The following P4HA3 variants were observed in gnomAD, a reference collection of about 807,000 sequenced individuals.
P4HA3 encodes prolyl 4-hydroxylase subunit alpha-3.
P4HA3 carries 60 observed loss-of-function variants against 66.7 expected under a neutral mutation model. That is an observed-to-expected ratio of 0.90 (90% CI 0.73 to 1.12). The LOEUF is 1.12. Among genes scored for constraint, P4HA3 ranks in the 50% most tolerant of loss-of-function variants. The probability of loss-of-function intolerance (pLI) is 0.00; values close to 1 mark genes in which losing one functional copy is unlikely to be tolerated. For missense variants in P4HA3, 683 were observed against 685.8 expected (o/e 1.00, Z 0.05); for synonymous variants, 263 against 274.6 (o/e 0.96, Z 0.42).
At chr11:74,260,979 C>A (rs1591080871) in intron 14 of P4HA3, among the ~76,000 whole-genome samples, 1 of 152,164 alleles carries the variant, frequency 6.6e-6, no homozygotes, top group South Asian at 2.1e-4. Flanking sequence ...GCCAGCGATG[C>A]CCCCTGCCCA....
Position 74,266,819 on chromosome 11 carries a change from G to T in P4HA3, c.*429C>A. On this transcript the variant is annotated 3_prime_UTR_variant, in exon 13 of 13. Coordinates refer to ENST00000331597, the MANE Select transcript of P4HA3 (RefSeq NM_182904.5). Reference sequence around the variant, plus strand: ...GCTTGGGCTGCAGCAGAAGGCAGTGGGGAGAAAGTCTTAAAGTTCTGGGAG... The same window carrying T: ...GCTTGGGCTGCAGCAGAAGGCAGTGTGGAGAAAGTCTTAAAGTTCTGGGAG... The T allele has an allele frequency of 3.7e-6, 2 of 545,810 alleles. No individual in the cohort carries two copies. Among genetic ancestry groups the T allele is most frequent in the Admixed American group, 7.0e-5 (2 of 28,424 alleles). 33.8% of individuals were successfully genotyped at this position (545,810 alleles called of 1,614,324 possible).
At chr11:74,264,517 T>C (rs1370869613), downstream of P4HA3, among the ~76,000 whole-genome samples, 2 of 152,120 alleles carry the variant, frequency 1.3e-5, no homozygotes, top group African/African-American at 4.8e-5. Flanking sequence ...CGTGGCCACA[T>C]GGTTTCATGA....
rs35940874 is a variant in P4HA3, at chr11:74,282,130, TA to T, written c.1111-2679del. ...TTCTTTTAGGGCAAAATCAATGGTT[TA>T]AAAAAAAAAAACAAAAAAAAACCCT... On this transcript the variant is annotated intron_variant, in intron 7 of 12. Coordinates refer to ENST00000331597, the MANE Select transcript of P4HA3 (RefSeq NM_182904.5). Among the ~76,000 whole-genome samples, 306 of 135,302 alleles carry T rather than the reference TA, an allele frequency of 2.3e-3. 3 individuals carry two copies. Among genetic ancestry groups the T allele is most frequent in the South Asian group, 9.5e-3 (41 of 4,296 alleles). The allele number at this position is 135,302 out of a possible 152,430, so 88.8% of individuals were successfully genotyped here.
chr11:74,293,777 C>T (rs1383351450), intron 4 of P4HA3, among the ~76,000 whole-genome samples: 2 of 152,210 alleles, frequency 1.3e-5, no homozygotes, highest in African/African-American at 4.8e-5. Context: ...TATTGGTCCC[C>T]ACTCTCTTCT....
Position 74,290,638 on chromosome 11 carries a change from G to C in P4HA3, c.718-1508C>G, listed in dbSNP as rs367942735. On this transcript the variant is annotated intron_variant, in intron 4 of 12. Coordinates refer to ENST00000331597, the MANE Select transcript of P4HA3 (RefSeq NM_182904.5). Reference sequence around the variant, plus strand: ...ATTTTTGTATAAGGTGTAAGGAAGGGATCCAGTTTCAGCTTTCTACATATG... The same window carrying C: ...ATTTTTGTATAAGGTGTAAGGAAGGCATCCAGTTTCAGCTTTCTACATATG... Among the ~76,000 whole-genome samples, 48 of 152,114 alleles carry C rather than the reference G, an allele frequency of 3.2e-4. No homozygotes were observed. In the South Asian group the frequency reaches 9.4e-3, roughly 30 times the overall value.
chr11:74,287,291 C>G (rs746847109), intron 5 of P4HA3: 7 of 1,289,252 alleles, frequency 5.4e-6, no homozygotes, highest in East Asian at 1.1e-4. Flanking sequence ...CAACCATCAC[C>G]CTGGCAAAGG....
intron 5 of P4HA3, 21 bp from the exon 6 acceptor site, chr11:74,286,412 G>T (rs1424087450): frequency 4.0e-6 from 6 of 1,510,722 alleles, no homozygotes; most frequent in Non-Finnish European, 5.3e-6. Context: ...TCAGAGCAGG[G>T]AATATAAAAT....
intron 9 of P4HA3, 25 bp from the exon 10 acceptor site, chr11:74,273,632 A>C: frequency 6.5e-7 from 1 of 1,541,890 alleles, no homozygotes; most frequent in Admixed American, 2.2e-5. Flanking sequence ...AACAGAACAT[A>C]TTATTTTATG....
chr11:74,306,610 G>T (rs1318177485), intron 1 of P4HA3, among the ~76,000 whole-genome samples: 1 of 152,214 alleles, frequency 6.6e-6, no homozygotes, highest in Non-Finnish European at 1.5e-5. Flanking sequence ...CGACTTCTGC[G>T]AGGAGACAGA....
At chr11:74,265,903 C>A (rs1238037427), downstream of P4HA3, among the ~76,000 whole-genome samples, 1 of 152,118 alleles carries the variant, frequency 6.6e-6, no homozygotes, top group Admixed American at 6.5e-5. Context: ...GGCAACTGAC[C>A]AAAATTAAAC....
Position 74,251,520 on chromosome 11 carries a change from CA to C in P4HA3, c.*1319-3520del, listed in dbSNP as rs1859662314. 4.7e-6 allele frequency: 7 copies of C among 1,474,716 alleles called. No individual in the cohort carries two copies. The Admixed American group carries it at 1.9e-4, about 40-fold the overall frequency. The allele number at this position is 1,474,716 out of a possible 1,614,324, so 91.4% of individuals were successfully genotyped here. ...GGGAGGGCCTAGGTCCTTTTAATTTCAAGCCACTCAGACCTGTGGGTGGGAT... is the reference window on the plus strand; with the variant it reads ...GGGAGGGCCTAGGTCCTTTTAATTTCAGCCACTCAGACCTGTGGGTGGGAT... On this transcript the variant is annotated intron_variant and NMD_transcript_variant, in intron 15 of 15. Coordinates refer to the P4HA3 transcript ENST00000524388.
chr11:74,260,612 G>A (rs752541759), intron 14 of P4HA3, among the ~76,000 whole-genome samples: 14 of 152,204 alleles, frequency 9.2e-5, no homozygotes, highest in Non-Finnish European at 1.8e-4. Context: ...TTCTCCTAGA[G>A]TGATATATCT....
downstream of P4HA3, among the ~76,000 whole-genome samples, chr11:74,264,660 C>T (rs116106020): frequency 4.2e-3 from 633 of 152,300 alleles, 3 homozygotes; most frequent in African/African-American, 0.015. Context: ...ATGAGGCTTT[C>T]TCAACTATCC....
chr11:74,282,529 G>A (rs1462099437), intron 7 of P4HA3, among the ~76,000 whole-genome samples: 1 of 152,184 alleles, frequency 6.6e-6, no homozygotes, highest in African/African-American at 2.4e-5. Context: ...GGAGCGTCAA[G>A]TGCCGGGGGA....
intron 15 of P4HA3, among the ~76,000 whole-genome samples, chr11:74,257,097 C>G (rs1859842659): frequency 6.6e-6 from 1 of 152,124 alleles, no homozygotes; most frequent in Non-Finnish European, 1.5e-5. Context: ...TATTTGGAAA[C>G]AGGCCAGGAA....
At chr11:74,305,475 A>T (rs1334461608) in intron 1 of P4HA3, among the ~76,000 whole-genome samples, 1 of 152,192 alleles carries the variant, frequency 6.6e-6, no homozygotes, top group Non-Finnish European at 1.5e-5. Context: ...GGGCAAAGCC[A>T]GGATGGAACC....
At chr11:74,256,030 G>A (rs1859823267) in intron 15 of P4HA3, 2 of 482,314 alleles carry the variant, frequency 4.1e-6, no homozygotes, top group Non-Finnish European at 8.4e-6. Context: ...CTCAAATTTT[G>A]AATGTCATCT....
In P4HA3 at chr11:74,311,586, GCCGCCAGCCGC is replaced by G; in HGVS notation, c.15_25del (p.Arg6AlafsTer58). 1 of 1,533,042 alleles carries G rather than the reference GCCGCCAGCCGC, an allele frequency of 6.5e-7. No homozygotes were observed. The highest frequency in any genetic ancestry group is 1.2e-5 in the South Asian group (1 of 82,854). 95.0% of individuals were successfully genotyped at this position (1,533,042 alleles called of 1,614,324 possible). On this transcript the variant is annotated frameshift_variant, in exon 1 of 13. Coordinates refer to ENST00000331597, the MANE Select transcript of P4HA3 (RefSeq NM_182904.5). LOFTEE classifies it high-confidence loss of function. ...CCCGAGCGCCAGCACCGCCAGCAGC[GCCGCCAGCCGC>G]GCCCCAGGACCCATAGCCAGCGCTC...
In P4HA3 at chr11:74,251,611, A is replaced by G. The variant is rs566850148; in HGVS notation, c.*1319-3610T>C. On this transcript the variant is annotated intron_variant and NMD_transcript_variant, in intron 15 of 15. Coordinates refer to the P4HA3 transcript ENST00000524388. The stretch of plus-strand genomic sequence containing the variant: ...AGCCCAAGGCTAAGCCCCATCACTA[A>G]CCTTTATATGGCCTGGAATATCTCT... 34 of 1,606,594 alleles carry G rather than the reference A, an allele frequency of 2.1e-5. No homozygotes were observed. In the Admixed American group the frequency reaches 4.3e-4, roughly 21 times the overall value.
Sources: allele counts gnomAD v4.1 joint callset (sites outside exome capture counted in the v4.1 genomes callset), GRCh38; gene constraint gnomAD v4.1.1; transcripts MANE v1.5; gene names NCBI Gene and HGNC (gene_info 2026-07-23, HGNC 2026-07-21).